Variants in MTCL2 observed in about 807,000 individuals in gnomAD.
MTCL2 encodes microtubule crosslinking factor 2.
chr20:36,823,095 G>A, the MTCL2 span, among the ~76,000 whole-genome samples: 2 of 152,210 alleles, frequency 1.3e-5, no homozygotes, highest in Middle Eastern at 3.2e-3. Flanking sequence ...GGTTGGGGGT[G>A]TACCTCAAAG....
the MTCL2 span, among the ~76,000 whole-genome samples, chr20:36,843,095 C>T: frequency 6.6e-6 from 1 of 152,168 alleles, no homozygotes; most frequent in Admixed American, 6.5e-5. Flanking sequence ...GGCTTCTGTC[C>T]GAGCACCCCT....
At chr20:36,808,799 T>C in the MTCL2 span, 1 of 1,472,328 alleles carries the variant, frequency 6.8e-7, no homozygotes, top group Non-Finnish European at 9.1e-7. Flanking sequence ...CCCCCACCCC[T>C]TTCTGGGCCC....
chr20:36,813,752 CAAAAAA>C, the MTCL2 span, among the ~76,000 whole-genome samples: 15 of 65,846 alleles, frequency 2.3e-4, no homozygotes, highest in East Asian at 5.7e-4. Flanking sequence ...GACTCTGTCT[CAAAAAA>C]AAAAAAAAAA....
At chr20:36,777,947 A>G in the MTCL2 span, 8 of 579,798 alleles carry the variant, frequency 1.4e-5, no homozygotes, top group Non-Finnish European at 2.5e-5. Context: ...TGGAGTTAAG[A>G]TTTCTTTCAG....
the MTCL2 span, among the ~76,000 whole-genome samples, chr20:36,849,927 C>T: frequency 6.6e-6 from 1 of 152,106 alleles, no homozygotes; most frequent in Non-Finnish European, 1.5e-5. Context: ...AACCCAGCAA[C>T]AGCTCCCAGC....
At chr20:36,786,067 G>A in the MTCL2 span, 1 of 986,820 alleles carries the variant, frequency 1.0e-6, no homozygotes, top group Admixed American at 6.1e-5. Context: ...ATGAAGGGGT[G>A]GATGGTCAGC....
chr20:36,784,148 G>A, the MTCL2 span: 4 of 985,734 alleles, frequency 4.1e-6, no homozygotes, highest in African/African-American at 1.7e-5. Flanking sequence ...CGCTCTGGGA[G>A]GTGGCAGAAG....
chr20:36,839,458 G>A, the MTCL2 span: 2 of 1,610,258 alleles, frequency 1.2e-6, no homozygotes, highest in South Asian at 2.2e-5. This position sits in a 1 kb window ranked among gnomAD's most constrained non-coding sequence, Gnocchi z 5.1. Context: ...AGGGAAGGAA[G>A]AGTCAGGTCA....
At chr20:36,786,090 T>G in the MTCL2 span, 1 of 988,168 alleles carries the variant, frequency 1.0e-6, no homozygotes, top group Non-Finnish European at 1.2e-6. Context: ...GAAACATCTC[T>G]CCGACTCCTT....
chr20:36,789,988 A>ATT, the MTCL2 span, among the ~76,000 whole-genome samples: 137 of 110,676 alleles, frequency 1.2e-3, 3 homozygotes, highest in African/African-American at 2.9e-3. Context: ...TAATTTTTGT[A>ATT]TTTTTTTTTT....
the MTCL2 span, among the ~76,000 whole-genome samples, chr20:36,812,149 G>A: frequency 6.6e-6 from 1 of 152,194 alleles, no homozygotes; most frequent in East Asian, 1.9e-4. Context: ...GGTCCCCTGA[G>A]TCCCAGAGAT....
the MTCL2 span, among the ~76,000 whole-genome samples, chr20:36,854,512 A>G: frequency 6.6e-6 from 1 of 151,986 alleles, no homozygotes; most frequent in African/African-American, 2.4e-5. Context: ...GAGCAAGAGC[A>G]CGGGACAGAG....
chr20:36,797,531 G>T, the MTCL2 span: 3 of 1,556,180 alleles, frequency 1.9e-6, no homozygotes. Flanking sequence ...TGCTTCTCCA[G>T]CTCCGAGTGC....
chr20:36,812,828 T>C, the MTCL2 span: 1 of 1,612,324 alleles, frequency 6.2e-7, no homozygotes, highest in Non-Finnish European at 8.5e-7. Context: ...TTCCGGCAGG[T>C]CCCTGAAGTC....
chr20:36,835,714 C>A, the MTCL2 span, among the ~76,000 whole-genome samples: 2 of 152,150 alleles, frequency 1.3e-5, no homozygotes, highest in South Asian at 2.1e-4. Context: ...GAGCTCAGCG[C>A]TCCAGCTGCA....
At chr20:36,799,358 G>C in the MTCL2 span, among the ~76,000 whole-genome samples, 1 of 152,034 alleles carries the variant, frequency 6.6e-6, no homozygotes. Context: ...CAGGCGTGGT[G>C]GTATAAGCCT....
At chr20:36,858,056 C>T in the MTCL2 span, among the ~76,000 whole-genome samples, 2 of 152,126 alleles carry the variant, frequency 1.3e-5, no homozygotes, top group Non-Finnish European at 2.9e-5. Context: ...TGACAGGATT[C>T]CTCTCACCAA....
At chr20:36,833,764 T>G in the MTCL2 span, among the ~76,000 whole-genome samples, 1 of 152,108 alleles carries the variant, frequency 6.6e-6, no homozygotes, top group Admixed American at 6.6e-5. Flanking sequence ...GACAGGAGGA[T>G]CCCTTGAGAG....
the MTCL2 span, among the ~76,000 whole-genome samples, chr20:36,811,133 A>T: frequency 1.3e-5 from 2 of 152,270 alleles, no homozygotes; most frequent in Non-Finnish European, 1.5e-5. Flanking sequence ...AGGCACAGTG[A>T]CTTGAGGTAT....
Sources: allele counts gnomAD v4.1 joint callset (sites outside exome capture counted in the v4.1 genomes callset), GRCh38; gene constraint gnomAD v4.1.1; non-coding constraint Gnocchi (gnomAD v3.1); transcripts MANE v1.5; gene names NCBI Gene and HGNC (gene_info 2026-07-23, HGNC 2026-07-21).